The following FAM200B variants were observed in gnomAD, a reference collection of about 807,000 sequenced individuals.
The protein encoded by FAM200B is zinc finger BED-type containing 11.
In FAM200B, 32 loss-of-function variants were observed where a neutral mutation model predicts 33.1. The observed-to-expected ratio is 0.97, with a 90% CI of 0.73 to 1.30. FAM200B has a LOEUF of 1.30. Among genes scored for constraint, FAM200B ranks in the 50% most tolerant of loss-of-function variants. The pLI is 0.00. For synonymous variants in FAM200B, 240 were observed against 264.8 expected (o/e 0.91, Z 0.91); for missense variants, 741 against 754.0 (o/e 0.98, Z 0.20).
chr4:15,667,512 T>C, the FAM200B span, among the ~76,000 whole-genome samples: 11 of 152,044 alleles, frequency 7.2e-5, no homozygotes, highest in African/African-American at 2.7e-4. Flanking sequence ...CTATTAAAAA[T>C]AGTATTAAAA....
At chr4:15,643,946 T>C in the FAM200B span, among the ~76,000 whole-genome samples, 3 of 152,180 alleles carry the variant, frequency 2.0e-5, no homozygotes, top group Non-Finnish European at 4.4e-5. Context: ...AAGAGGTAAC[T>C]GATGAAGACT....
the FAM200B span, among the ~76,000 whole-genome samples, chr4:15,641,958 A>G: frequency 3.9e-5 from 6 of 151,986 alleles, no homozygotes; most frequent in Admixed American, 2.0e-4. Flanking sequence ...AACCTGGAAG[A>G]AGGAGGTTGC....
the FAM200B span, among the ~76,000 whole-genome samples, chr4:15,637,896 T>TA: frequency 7.9e-6 from 1 of 126,928 alleles, no homozygotes. Flanking sequence ...GAGGAACTAG[T>TA]TTTTTTAAAA....
At chr4:15,646,084 A>T in the FAM200B span, among the ~76,000 whole-genome samples, 1 of 152,224 alleles carries the variant, frequency 6.6e-6, no homozygotes, top group African/African-American at 2.4e-5. Flanking sequence ...GACAGGTAAT[A>T]AATATTTTAA....
chr4:15,655,530 G>T, the FAM200B span: 16 of 275,932 alleles, frequency 5.8e-5, no homozygotes, highest in African/African-American at 3.0e-4. Context: ...CACTCTTTTC[G>T]TTTTTTGTCG....
chr4:15,640,648 C>G, the FAM200B span: 3 of 402,744 alleles, frequency 7.4e-6, no homozygotes, highest in Non-Finnish European at 1.3e-5. Flanking sequence ...CTTGGGTTTT[C>G]TTTTTTCCCA....
At chr4:15,667,340 A>G in the FAM200B span, among the ~76,000 whole-genome samples, 1 of 152,216 alleles carries the variant, frequency 6.6e-6, no homozygotes, top group Non-Finnish European at 1.5e-5. Flanking sequence ...GTTTTAACTC[A>G]TATTAAACAA....
chr4:15,668,049 A>G, the FAM200B span, among the ~76,000 whole-genome samples: 1 of 152,032 alleles, frequency 6.6e-6, no homozygotes, highest in Non-Finnish European at 1.5e-5. Context: ...CTCTAAAAAA[A>G]AAAAAAAACA....
the FAM200B span, among the ~76,000 whole-genome samples, chr4:15,645,979 T>C: frequency 6.6e-6 from 1 of 152,204 alleles, no homozygotes; most frequent in Non-Finnish European, 1.5e-5. Flanking sequence ...TTTATGGAGT[T>C]TCCATTTCAG....
In FAM200B at chr4:15,688,003, C is replaced by T. The variant is rs892025249; in HGVS notation, c.1026C>T (p.Leu342=). 1.3e-6 allele frequency: 2 copies of T among 1,550,864 alleles called. No homozygotes were observed. The highest frequency in any genetic ancestry group is 1.7e-6 in the Non-Finnish European group (2 of 1,146,376). ...GLASREIPQN[L]MEVLKNAVKV... ...CATCCAGAGAAATTCCACAGAATCT[C>T]ATGGAGGTATTGAAAAATGCAGTGA... The change falls in exon 2 of 2, where the codon CTC becomes CTT. Residue 342 remains leucine, a synonymous_variant. Coordinates refer to ENST00000422728, the MANE Select transcript of FAM200B (RefSeq NM_001145191.2).
chr4:15,682,683 G>T (rs1272838946), intron 1 of FAM200B, among the ~76,000 whole-genome samples: 1 of 152,194 alleles, frequency 6.6e-6, no homozygotes, highest in Admixed American at 6.5e-5. Context: ...AGTATCTCCA[G>T]TGCCTGACAT....
upstream of FAM200B, among the ~76,000 whole-genome samples, chr4:15,679,206 G>C (rs1718107269): frequency 6.6e-6 from 1 of 151,824 alleles, no homozygotes; most frequent in Non-Finnish European, 1.5e-5. Context: ...GGGATTATAG[G>C]CACGTGCCAC....
rs1160566082 is a variant in FAM200B, at chr4:15,688,605, T to A, written c.1628T>A (p.Phe543Tyr). 36 of 1,551,190 alleles carry A rather than the reference T, an allele frequency of 2.3e-5. No individual in the cohort carries two copies. In the East Asian group the frequency reaches 8.3e-4, roughly 36 times the overall value. The change falls in exon 2 of 2, where the codon TTT becomes TAT. Residue 543 changes from phenylalanine (F) to tyrosine (Y), a missense_variant. Phe to Tyr is a conservative substitution (Grantham distance 22). Transcript: ENST00000422728. ...AGTTGGGTAAAAGATCCATTTGCTT[T>A]TCGACACCCTGAATCAATAATTGAG... ...ENSWVKDPFA[F>Y]RHPESIIELN...
At chr4:15,676,933 G>A (rs1014486037), upstream of FAM200B, among the ~76,000 whole-genome samples, 6 of 152,060 alleles carry the variant, frequency 3.9e-5, no homozygotes, top group East Asian at 1.9e-4. Context: ...AAGTAGTCAC[G>A]AATGGCCCAA....
intron 1 of FAM200B, among the ~76,000 whole-genome samples, chr4:15,685,835 T>C (rs1426635690): frequency 6.6e-6 from 1 of 152,160 alleles, no homozygotes; most frequent in African/African-American, 2.4e-5. Flanking sequence ...AAACTACTGT[T>C]ATGGTCATAA....
In FAM200B at chr4:15,688,636, C is replaced by T; in HGVS notation, c.1659C>T (p.Asn553=). Residue 553 remains asparagine (N), a synonymous_variant, in exon 2 of 2, where the codon AAC becomes AAT. Transcript: ENST00000422728. ...FRHPESIIEL[N]LVPEEENELL... ...ACCCTGAATCAATAATTGAGCTAAA[C>T]TTGGTGCCTGAAGAAGAGAATGAAT... 12 of 1,551,194 alleles carry T rather than the reference C, an allele frequency of 7.7e-6. No individual in the cohort carries two copies. Among genetic ancestry groups the T allele is most frequent in the African/African-American group, 4.1e-5 (3 of 73,128 alleles).
the FAM200B span, among the ~76,000 whole-genome samples, chr4:15,650,400 G>A: frequency 6.6e-6 from 1 of 152,070 alleles, no homozygotes; most frequent in African/African-American, 2.4e-5. Context: ...ATGTACTCTA[G>A]TATTTACTTT....
the FAM200B span, among the ~76,000 whole-genome samples, chr4:15,648,282 T>A: frequency 6.6e-6 from 1 of 152,302 alleles, no homozygotes; most frequent in Non-Finnish European, 1.5e-5. Context: ...TAAAATATCA[T>A]TAGAAAGGAA....
chr4:15,656,806 C>G, the FAM200B span, among the ~76,000 whole-genome samples: 1 of 152,062 alleles, frequency 6.6e-6, no homozygotes, highest in Non-Finnish European at 1.5e-5. Context: ...ACAGTACCGT[C>G]TGTAAGCTAG....
Sources: gnomAD v4.1 joint callset for allele counts (sites outside exome capture counted in the v4.1 genomes callset) on GRCh38, gnomAD v4.1.1 for gene constraint, MANE v1.5 for transcripts, NCBI Gene and HGNC (gene_info 2026-07-23, HGNC 2026-07-21) for gene names.